Variants in GRIN2A observed in about 807,000 individuals in gnomAD.
GRIN2A encodes the protein glutamate receptor ionotropic, NMDA 2A.
GRIN2A carries 22 observed loss-of-function variants against 113.4 expected under a neutral mutation model. The ratio of observed to expected loss-of-function variants is 0.19; its 90% CI spans 0.14 to 0.28. The LOEUF is 0.28. Ranked by LOEUF, GRIN2A falls within the 10% of genes least tolerant of loss-of-function variation. The pLI, the probability that GRIN2A is intolerant of heterozygous loss-of-function variation, is 1.00. For missense variants in GRIN2A, 1,502 were observed against 1,887.0 expected (o/e 0.80, Z 3.78); for synonymous variants, 827 against 738.4 (o/e 1.12, Z -1.94).
At position 10,132,340 on chromosome 16, in the gene GRIN2A, CA is replaced by C. The variant is rs71402435; in HGVS notation, c.414+47657del. On this transcript the variant is annotated intron_variant, in intron 2 of 12. Transcript: ENST00000330684. The stretch of plus-strand genomic sequence containing the variant: ...GAATGAGCAGAACAAGACACCGTCT[CA>C]AAAAAAAAAAAAAAAAAGATGTGAA... Among the ~76,000 whole-genome samples the C allele has an allele frequency of 2.1e-3, 129 of 61,634 alleles. 1 individual carries two copies. Among genetic ancestry groups the C allele is most frequent in the South Asian group, 3.4e-3 (4 of 1,170 alleles). 40.4% of individuals were successfully genotyped at this position (61,634 alleles called of 152,430 possible).
chr16:9,966,127 T>G (rs749238972), intron 2 of GRIN2A, among the ~76,000 whole-genome samples: 1 of 152,086 alleles, frequency 6.6e-6, no homozygotes, highest in African/African-American at 2.4e-5. Flanking sequence ...AACTTTTCTT[T>G]TACTTTTAAG....
At chr16:10,054,501 T>G (rs981881505) in intron 2 of GRIN2A, among the ~76,000 whole-genome samples, 1 of 152,172 alleles carries the variant, frequency 6.6e-6, no homozygotes, top group African/African-American at 2.4e-5. Context: ...TCTGGTGATG[T>G]TGAAGATGCC....
In GRIN2A at chr16:10,179,229, G is replaced by A. The variant is rs572907119; in HGVS notation, c.414+769C>T. On this transcript the variant is annotated intron_variant, in intron 2 of 12. Coordinates refer to ENST00000330684, the MANE Select transcript of GRIN2A (RefSeq NM_001134407.3). ...TGCATTTTGAGACTCTCCAACTTTA[G>A]TACCAAGACCCATCTTTGTTCAGGA... is the stretch of plus-strand genomic sequence containing the variant. 1.2e-4 allele frequency among the ~76,000 whole-genome samples: 19 copies of A among 152,290 alleles called. No homozygotes were observed. In the South Asian group the frequency reaches 3.5e-3, roughly 28 times the overall value.
At chr16:9,912,388 A>G (rs1041726266) in intron 3 of GRIN2A, among the ~76,000 whole-genome samples, 1 of 152,032 alleles carries the variant, frequency 6.6e-6, no homozygotes, top group Admixed American at 6.6e-5. Flanking sequence ...TTCCAGAACC[A>G]TGGTTCCAGA....
At chr16:10,091,720 C>T (rs944266573) in intron 2 of GRIN2A, among the ~76,000 whole-genome samples, 5 of 152,182 alleles carry the variant, frequency 3.3e-5, no homozygotes, top group African/African-American at 1.2e-4. Flanking sequence ...CATGTGACAA[C>T]ATGAATTAAC....
At position 9,758,829 on chromosome 16, in the gene GRIN2A, CA is replaced by C; in HGVS notation, c.*4319del. ...CCACAGCACTTTCAACCCTGTTCAC[CA>C]AAAAGAGATGGGGTATCTGGAAAGG... On this transcript the variant is annotated 3_prime_UTR_variant, in exon 13 of 13. Transcript: ENST00000330684. The C allele has an allele frequency of 4.6e-6, 1 of 215,058 alleles. No individual in the cohort carries two copies. Among genetic ancestry groups the C allele is most frequent in the Non-Finnish European group, 9.4e-6 (1 of 106,660 alleles). 13.3% of individuals were successfully genotyped at this position (215,058 alleles called of 1,614,324 possible).
intron 2 of GRIN2A, among the ~76,000 whole-genome samples, chr16:10,005,248 C>T (rs947682025): frequency 8.5e-5 from 13 of 152,056 alleles, no homozygotes; most frequent in African/African-American, 1.2e-4. Flanking sequence ...AAAGTGACAG[C>T]GAAGATTTAG....
At chr16:9,843,044 G>A (rs1596486526) in intron 5 of GRIN2A, among the ~76,000 whole-genome samples, 1 of 147,520 alleles carries the variant, frequency 6.8e-6, no homozygotes, top group East Asian at 2.0e-4. Context: ...TAGAAAGAAA[G>A]AAAGAGAGAG....
chr16:9,967,162 T>C (rs975821130), intron 2 of GRIN2A, among the ~76,000 whole-genome samples: 1 of 152,196 alleles, frequency 6.6e-6, no homozygotes. Flanking sequence ...ATATGAATTA[T>C]GCTTACAATT....
chr16:10,112,213 A>G (rs564198714), intron 2 of GRIN2A: 154 of 594,568 alleles, frequency 2.6e-4, no homozygotes, highest in African/African-American at 2.2e-3. Context: ...TCCCAAGGGA[A>G]CTCGGTGTAT....
intron 2 of GRIN2A, among the ~76,000 whole-genome samples, chr16:10,128,697 T>C (rs935826507): frequency 6.6e-6 from 1 of 152,198 alleles, no homozygotes; most frequent in Non-Finnish European, 1.5e-5. Context: ...TAAATATCTT[T>C]ACATGCTAAA....
At chr16:10,066,336 C>A (rs762918598) in intron 2 of GRIN2A, among the ~76,000 whole-genome samples, 7 of 152,134 alleles carry the variant, frequency 4.6e-5, no homozygotes, top group African/African-American at 1.7e-4. Context: ...TCTGTCTCAT[C>A]GTGTCCTTCT....
In GRIN2A at chr16:9,763,983, G is replaced by A. The variant is rs750802726; in HGVS notation, c.3561C>T (p.Tyr1187=). 28 of 1,614,060 alleles carry A rather than the reference G, an allele frequency of 1.7e-5. No homozygotes were observed. The highest frequency in any genetic ancestry group is 4.4e-5 in the South Asian group (4 of 91,086). ...TGTCTTTCAAGGTGAAGTGCTTGGA[G>A]TAGAGTTTATACTGGTCGTTGTTGG... ...GLSNNDQYKL[Y]SKHFTLKDKG... is the part of the protein sequence containing the mutation. Residue 1187 remains tyrosine (Y), a synonymous_variant, in exon 13 of 13, where the codon TAC becomes TAT. Coordinates refer to ENST00000330684, the MANE Select transcript of GRIN2A (RefSeq NM_001134407.3).
At chr16:10,060,145 A>G (rs941146218) in intron 2 of GRIN2A, among the ~76,000 whole-genome samples, 8 of 152,162 alleles carry the variant, frequency 5.3e-5, no homozygotes, top group African/African-American at 1.4e-4. Flanking sequence ...TATAGCCTGG[A>G]TAAAATATGT....
chr16:10,180,669 A>T lies in GRIN2A; in HGVS notation c.-18-240T>A, dbSNP rs537407704. On this transcript the variant is annotated intron_variant, in intron 1 of 12. Transcript: ENST00000330684. The surrounding 1 kb of genome is among the most constrained non-coding windows in gnomAD (Gnocchi z 7.0). ...CATCCCCCAGCCCCTTCTCGCATCC[A>T]GCTTCCTCATCCCCTGTCTCCAGGC... 7.3e-5 allele frequency: 46 copies of T among 633,200 alleles called. No individual in the cohort carries two copies. The African/African-American group carries it at 8.4e-4, about 12-fold the overall frequency. 39.2% of individuals were successfully genotyped at this position (633,200 alleles called of 1,614,324 possible).
chr16:9,940,061 A>AGAGTGT lies in GRIN2A; in HGVS notation c.415-1511_415-1510insACACTC, dbSNP rs536496290. On this transcript the variant is annotated intron_variant, in intron 2 of 12. Transcript: ENST00000330684. ...GAGAGAAAGAGAGAGAGAGAGAGAG[A>AGAGTGT]GTGTGTGTGTGTGTGTGTGTGTGTG... Among the ~76,000 whole-genome samples, 156 of 142,992 alleles carry AGAGTGT rather than the reference A, an allele frequency of 1.1e-3. 1 individual carries two copies. The highest frequency in any genetic ancestry group is 4.0e-3 in the African/African-American group (152 of 38,024). The allele number at this position is 142,992 out of a possible 152,430, so 93.8% of individuals were successfully genotyped here.
At chr16:10,029,479 G>C (rs575190785) in intron 2 of GRIN2A, among the ~76,000 whole-genome samples, 7 of 152,092 alleles carry the variant, frequency 4.6e-5, no homozygotes, top group Admixed American at 2.0e-4. Flanking sequence ...GAGGCGTAAA[G>C]GCTGCAGTCA....
At chr16:9,832,770 C>A (rs909310901) in intron 8 of GRIN2A, among the ~76,000 whole-genome samples, 1 of 152,128 alleles carries the variant, frequency 6.6e-6, no homozygotes, top group Non-Finnish European at 1.5e-5. Context: ...GTTAAATTAC[C>A]CTTTAAATGA....
At chr16:9,792,889 C>T (rs913166222) in intron 11 of GRIN2A, among the ~76,000 whole-genome samples, 33 of 152,314 alleles carry the variant, frequency 2.2e-4, no homozygotes, top group African/African-American at 7.5e-4. Context: ...CAGAATTGGA[C>T]TCAGATGAAC....
Sources: gnomAD v4.1 joint callset for allele counts (sites outside exome capture counted in the v4.1 genomes callset) on GRCh38, gnomAD v4.1.1 for gene constraint, Gnocchi (gnomAD v3.1) non-coding constraint, MANE v1.5 for transcripts, NCBI Gene and HGNC (gene_info 2026-07-23, HGNC 2026-07-21) for gene names.